Variants in PLOD2 observed in about 807,000 individuals in gnomAD.
PLOD2 encodes the protein lysine hydroxylase 2.
In PLOD2, 65 loss-of-function variants were observed where a neutral mutation model predicts 101.0. That is an observed-to-expected ratio of 0.64 (90% CI 0.53 to 0.79). The LOEUF (loss-of-function observed/expected upper bound fraction) is 0.79, where lower values mean the gene tolerates loss of function less well. Ranked by LOEUF, PLOD2 falls within the 30% of genes least tolerant of loss-of-function variation. The pLI is 0.00. For missense variants in PLOD2, 909 were observed against 914.6 expected (o/e 0.99, Z 0.08); for synonymous variants, 314 against 302.9 (o/e 1.04, Z -0.38).
At chr3:146,123,411 C>T in intron 2 of PLOD2, 1 of 283,934 alleles carries the variant, frequency 3.5e-6, no homozygotes, top group African/African-American at 2.3e-5. Flanking sequence ...CAAGTTTCCT[C>T]TGATCACTTG....
chr3:146,111,164 C>T (rs892696409), intron 3 of PLOD2, among the ~76,000 whole-genome samples: 2 of 152,172 alleles, frequency 1.3e-5, no homozygotes, highest in African/African-American at 4.8e-5. Flanking sequence ...TGAAGTATAA[C>T]AGCCACTATC....
At chr3:146,142,970 C>T (rs2031596845) in intron 1 of PLOD2, among the ~76,000 whole-genome samples, 3 of 152,226 alleles carry the variant, frequency 2.0e-5, no homozygotes, top group South Asian at 4.1e-4. Context: ...GGTTATAACA[C>T]AATTTCTGTA....
chr3:146,076,809 G>C lies in PLOD2; in HGVS notation c.1650C>G (p.Asp550Glu). The change falls in exon 15 of 20, where the codon GAC becomes GAG. Residue 550 changes from aspartate to glutamate, a missense_variant. Coordinates refer to ENST00000282903, the MANE Select transcript of PLOD2 (RefSeq NM_182943.3). ...CAGGATTTTCAAAAATCTGCCAGAGGTCATTGTTATAATGGGAAGTATTGT... is the reference window on the plus strand; with the variant it reads ...CAGGATTTTCAAAAATCTGCCAGAGCTCATTGTTATAATGGGAAGTATTGT... ...ANYNTSHYNNDLWQIFENPVD... is the reference protein window; with the variant it reads ...ANYNTSHYNNELWQIFENPVD... The C allele has an allele frequency of 6.4e-7, 1 of 1,568,500 alleles. No homozygotes were observed. Among genetic ancestry groups the C allele is most frequent in the Non-Finnish European group, 8.8e-7 (1 of 1,140,328 alleles).
At chr3:146,139,765 A>G (rs1261252151) in intron 1 of PLOD2, among the ~76,000 whole-genome samples, 1 of 152,168 alleles carries the variant, frequency 6.6e-6, no homozygotes, top group East Asian at 1.9e-4. Context: ...GTCATTAGCA[A>G]GAAATTTATT....
intron 14 of PLOD2, 117 bp from the exon 15 acceptor site, chr3:146,077,012 G>T: frequency 7.9e-7 from 1 of 1,261,540 alleles, no homozygotes; most frequent in South Asian, 1.7e-5. Context: ...TTATGAACAT[G>T]CATTTTTAGT....
At chr3:146,133,792 A>G (rs1446486386) in intron 1 of PLOD2, among the ~76,000 whole-genome samples, 2 of 152,202 alleles carry the variant, frequency 1.3e-5, no homozygotes, top group African/African-American at 4.8e-5. Context: ...TTGGGGGAAA[A>G]AAGTGTGTTA....
intron 1 of PLOD2, among the ~76,000 whole-genome samples, chr3:146,154,750 T>C (rs2032222795): frequency 6.6e-6 from 1 of 152,208 alleles, no homozygotes; most frequent in East Asian, 1.9e-4. Flanking sequence ...TTTAAAATGA[T>C]TTTTATTTTC....
At chr3:146,158,370 GA>G (rs928171636) in intron 1 of PLOD2, among the ~76,000 whole-genome samples, 2 of 151,982 alleles carry the variant, frequency 1.3e-5, no homozygotes, top group Non-Finnish European at 2.9e-5. Flanking sequence ...CAACCAAAAG[GA>G]ATCAATACAG....
At chr3:146,116,203 T>A (rs1051117330) in intron 3 of PLOD2, among the ~76,000 whole-genome samples, 4 of 151,794 alleles carry the variant, frequency 2.6e-5, no homozygotes, top group Non-Finnish European at 5.9e-5. Context: ...ATACTATGGA[T>A]CCACTCCTAA....
intron 16 of PLOD2, 139 bp from the exon 17 acceptor site, chr3:146,072,804 AT>A (rs928090325): frequency 1.2e-5 from 8 of 650,424 alleles, no homozygotes; most frequent in Admixed American, 7.9e-5. Flanking sequence ...TATTGACAGT[AT>A]TTTTTTTCTC....
chr3:146,103,375 A>C (rs1354413412), intron 6 of PLOD2, among the ~76,000 whole-genome samples: 1 of 152,202 alleles, frequency 6.6e-6, no homozygotes, highest in Non-Finnish European at 1.5e-5. Context: ...CACATTAAGC[A>C]AGATAAAACT....
intron 1 of PLOD2, among the ~76,000 whole-genome samples, chr3:146,146,503 G>A (rs1338143932): frequency 6.6e-6 from 1 of 152,126 alleles, no homozygotes; most frequent in African/African-American, 2.4e-5. Flanking sequence ...AACTGGGGAG[G>A]AGGGCGGGTG....
intron 1 of PLOD2, among the ~76,000 whole-genome samples, chr3:146,127,320 A>G (rs1207356193): frequency 1.3e-5 from 2 of 151,796 alleles, no homozygotes; most frequent in Non-Finnish European, 2.9e-5. Flanking sequence ...ACCCTTTTCA[A>G]CCCTCTCCCA....
At position 146,102,675 on chromosome 3, in the gene PLOD2, AAAT is replaced by A. The variant is rs1937430475; in HGVS notation, c.777+77_777+79del. 87 of 756,826 alleles carry A rather than the reference AAAT, an allele frequency of 1.1e-4. 1 individual carries two copies. The East Asian group carries it at 2.3e-3, about 20-fold the overall frequency. 46.9% of individuals were successfully genotyped at this position (756,826 alleles called of 1,614,324 possible). On this transcript the variant is annotated intron_variant, in intron 7 of 19. Coordinates refer to ENST00000282903, the MANE Select transcript of PLOD2 (RefSeq NM_182943.3). Reference sequence around the variant, plus strand: ...TAAAGTCTTTGAAAGAAATTTTTAAAAATAAAATAGATGACATTCCACATATCA... The same window carrying A: ...TAAAGTCTTTGAAAGAAATTTTTAAAAAAATAGATGACATTCCACATATCA...
At position 146,080,507 on chromosome 3, in the gene PLOD2, C is replaced by T. The variant is rs1432895491; in HGVS notation, c.1358+1231G>A. Reference sequence around the variant, plus strand: ...TCTGGGGAATTATTCAGTGTTTCAACTTATACACACACACATACACACACA... The same window carrying T: ...TCTGGGGAATTATTCAGTGTTTCAATTTATACACACACACATACACACACA... On this transcript the variant is annotated intron_variant, in intron 12 of 19. Transcript: ENST00000282903. Among the ~76,000 whole-genome samples the T allele has an allele frequency of 3.3e-5, 5 of 151,070 alleles. No homozygotes were observed. In the East Asian group the frequency reaches 5.8e-4, roughly 18 times the overall value.
intron 3 of PLOD2, among the ~76,000 whole-genome samples, chr3:146,112,849 CA>C (rs201790733): frequency 0.58 from 52,913 of 91,998 alleles, 10,210 homozygotes; most frequent in South Asian, 0.63. Flanking sequence ...GACTTGGTCT[CA>C]AAAAAAAAAA....
intron 10 of PLOD2, 105 bp from the exon 11 acceptor site, chr3:146,085,378 C>G: frequency 1.4e-6 from 1 of 700,526 alleles, no homozygotes; most frequent in Non-Finnish European, 2.6e-6. Flanking sequence ...GGTTCTCTAG[C>G]ATACTTTTCT....
At chr3:146,112,585 G>A (rs1185223541) in intron 3 of PLOD2, among the ~76,000 whole-genome samples, 2 of 152,026 alleles carry the variant, frequency 1.3e-5, no homozygotes, top group Non-Finnish European at 2.9e-5. Context: ...GGGCACAGTG[G>A]CTCATGCCTG....
Position 146,076,793 on chromosome 3 carries a change from CA to C in PLOD2, c.1665del (p.Phe555LeufsTer12). On this transcript the variant is annotated frameshift_variant, in exon 15 of 20. Transcript: ENST00000282903. LOFTEE classifies it high-confidence loss of function. Reference protein sequence around the residue: ...SHYNNDLWQIFENPVDWKEKY... With the variant: ...SHYNNDLWQIXENPVDWKEKY... ...TATGAAATACATACCACAGGATTTT[CA>C]AAAATCTGCCAGAGGTCATTGTTAT... 2 of 1,519,246 alleles carry C rather than the reference CA, an allele frequency of 1.3e-6. No homozygotes were observed. Among genetic ancestry groups the C allele is most frequent in the Non-Finnish European group, 1.8e-6 (2 of 1,095,908 alleles). 94.1% of individuals were successfully genotyped at this position (1,519,246 alleles called of 1,614,324 possible).
Sources: allele counts gnomAD v4.1 joint callset (sites outside exome capture counted in the v4.1 genomes callset), GRCh38; gene constraint gnomAD v4.1.1; transcripts MANE v1.5; gene names NCBI Gene and HGNC (gene_info 2026-07-23, HGNC 2026-07-21).